MARK3: variants seen among roughly 807,000 people sequenced by gnomAD.
MARK3 encodes microtubule affinity regulating kinase 3, also known as MAP/microtubule affinity-regulating kinase 3.
A neutral mutation model predicts 90.1 loss-of-function variants in MARK3; 46 were observed. The observed-to-expected ratio is 0.51, with a 90% CI of 0.40 to 0.65. MARK3 has a LOEUF of 0.65. MARK3 is among the 30% of genes least tolerant of loss of function. The pLI, the probability that MARK3 is intolerant of heterozygous loss-of-function variation, is 0.00. For missense variants in MARK3, 818 were observed against 947.2 expected, an observed-to-expected ratio of 0.86 and a Z score of 1.79; for synonymous variants, 321 against 332.6, an observed-to-expected ratio of 0.97 and a Z score of 0.38.
chr14:103,453,523 TGTA>T (rs2093204309), intron 5 of MARK3, among the ~76,000 whole-genome samples: 1 of 152,234 alleles, frequency 6.6e-6, no homozygotes. Context: ...AACAATGAGT[TGTA>T]GTAAGCATAC....
At chr14:103,484,173 TTTCTTTTTTTCTTTTTTTTTC>T (rs1351434211) in intron 14 of MARK3, among the ~76,000 whole-genome samples, 5 of 151,362 alleles carry the variant, frequency 3.3e-5, no homozygotes, top group Non-Finnish European at 7.4e-5. Context: ...CTTTTTTTTT[TTTCTTTTTTTCTTTTTTTTTC>T]TGCGATGGAG....
intron 15 of MARK3, among the ~76,000 whole-genome samples, chr14:103,498,073 T>G (rs563669830): frequency 6.6e-6 from 1 of 152,186 alleles, no homozygotes; most frequent in South Asian, 2.1e-4. Flanking sequence ...AGAAATTAAC[T>G]GGGCATGGTG....
intron 2 of MARK3, chr14:103,412,094 G>A (rs1027167590): frequency 1.4e-5 from 9 of 656,478 alleles, no homozygotes; most frequent in Middle Eastern, 2.8e-4. Flanking sequence ...TTTACTAGTA[G>A]CAGTAGAATC....
chr14:103,438,013 T>TC (rs1566842120), intron 3 of MARK3, among the ~76,000 whole-genome samples: 1 of 151,910 alleles, frequency 6.6e-6, no homozygotes, highest in East Asian at 1.9e-4. Flanking sequence ...TCTTTTTTTT[T>TC]CTTTGAGACA....
At position 103,475,127 on chromosome 14, in the gene MARK3, C is replaced by T. The variant is rs201865630; in HGVS notation, c.1399C>T (p.Pro467Ser). The T allele has an allele frequency of 1.9e-5, 30 of 1,614,146 alleles. No homozygotes were observed. The African/African-American group carries it at 2.7e-4, about 14-fold the overall frequency. Residue 467 changes from proline (P) to serine (S), a missense_variant, in exon 13 of 18, where the codon CCA becomes TCA. By Grantham distance (74) the Pro-to-Ser change is moderately conservative. Coordinates refer to ENST00000429436, the MANE Select transcript of MARK3 (RefSeq NM_001128918.3). Reference protein sequence around the residue: ...GSAVGGKGIAPASPMLGNASN... With the variant: ...GSAVGGKGIASASPMLGNASN... ...TGCTGTTGGAGGAAAGGGAATTGCT[C>T]CAGCCAGTCCCATGCTTGGGAATGC...
intron 3 of MARK3, among the ~76,000 whole-genome samples, chr14:103,431,082 G>GTTTGTT (rs1460536716): frequency 2.6e-5 from 4 of 151,532 alleles, no homozygotes; most frequent in Admixed American, 6.6e-5. Context: ...TTGTTTGTTC[G>GTTTGTT]TTTGTTTTTG....
At chr14:103,401,659 A>G (rs1403242319) in intron 1 of MARK3, among the ~76,000 whole-genome samples, 1 of 152,210 alleles carries the variant, frequency 6.6e-6, no homozygotes, top group Admixed American at 6.5e-5. Context: ...GGATGTGTTC[A>G]GCTTAGTCAC....
chr14:103,450,247 T>C (rs1388757640), intron 4 of MARK3, among the ~76,000 whole-genome samples: 1 of 152,138 alleles, frequency 6.6e-6, no homozygotes, highest in Admixed American at 6.6e-5. Flanking sequence ...AATATAATAG[T>C]GGGAAGAAAA....
chr14:103,457,749 A>G (rs2093306700), intron 6 of MARK3, among the ~76,000 whole-genome samples: 1 of 152,248 alleles, frequency 6.6e-6, no homozygotes, highest in Admixed American at 6.5e-5. Flanking sequence ...TCTATTGACC[A>G]TGCCACACAC....
At position 103,451,569 on chromosome 14, in the gene MARK3, G is replaced by C. The variant is rs188740911; in HGVS notation, c.347-349G>C. Among the ~76,000 whole-genome samples, 208 of 152,316 alleles carry C rather than the reference G, an allele frequency of 1.4e-3. 1 individual carries two copies. The highest frequency in any genetic ancestry group is 0.012 in the Admixed American group (180 of 15,294). On this transcript the variant is annotated intron_variant, in intron 4 of 17. Coordinates refer to ENST00000429436, the MANE Select transcript of MARK3 (RefSeq NM_001128918.3). ...TAGAACTGAGCAGTTGCTGCAGGCTGACCACTTTTCCTGGGGTGCTGGGAG... is the reference window on the plus strand; with the variant it reads ...TAGAACTGAGCAGTTGCTGCAGGCTCACCACTTTTCCTGGGGTGCTGGGAG...
At chr14:103,399,699 CA>C (rs34202093) in intron 1 of MARK3, among the ~76,000 whole-genome samples, 343 of 84,308 alleles carry the variant, frequency 4.1e-3, no homozygotes, top group Non-Finnish European at 6.0e-3. Context: ...GACTCCATCT[CA>C]AAAAAAAAAA....
intron 9 of MARK3, 106 bp downstream of exon 9, chr14:103,466,197 A>G: frequency 7.0e-7 from 1 of 1,428,702 alleles, no homozygotes; most frequent in Non-Finnish European, 9.6e-7. Context: ...GCGGCTTTTT[A>G]AGCAAGAATT....
At chr14:103,449,721 T>G (rs990665594) in intron 4 of MARK3, among the ~76,000 whole-genome samples, 1 of 152,342 alleles carries the variant, frequency 6.6e-6, no homozygotes, top group East Asian at 1.9e-4. Flanking sequence ...GACTTAATAC[T>G]GACCCAAGAA....
intron 1 of MARK3, among the ~76,000 whole-genome samples, chr14:103,393,762 C>CT (rs36003065): frequency 0.059 from 8,559 of 145,404 alleles, 514 homozygotes; most frequent in African/African-American, 0.15. Flanking sequence ...CATTTTATTA[C>CT]TTTTTTTTTT....
intron 2 of MARK3, among the ~76,000 whole-genome samples, chr14:103,418,050 C>G (rs1412298824): frequency 6.6e-6 from 1 of 152,036 alleles, no homozygotes; most frequent in African/African-American, 2.4e-5. Flanking sequence ...GCCTGGGTGA[C>G]AGAGCAAAAC....
chr14:103,503,383 C>A lies in MARK3; in HGVS notation c.*156C>A. The A allele has an allele frequency of 1.4e-6, 1 of 690,868 alleles. No individual in the cohort carries two copies. Among genetic ancestry groups the A allele is most frequent in the South Asian group, 2.0e-5 (1 of 50,110 alleles). The allele number at this position is 690,868 out of a possible 1,614,324, so 42.8% of individuals were successfully genotyped here. A position where few individuals can be genotyped will look rare whatever the true frequency, so the allele number is the denominator to read the frequency against. Reference sequence around the variant, plus strand: ...AGCACGCCTGGGAGCGAAAGCTGGCCTTTTTTCTACGAATGCACTACATTA... The same window carrying A: ...AGCACGCCTGGGAGCGAAAGCTGGCATTTTTTCTACGAATGCACTACATTA... On this transcript the variant is annotated 3_prime_UTR_variant, in exon 18 of 18. Transcript: ENST00000429436.
intron 2 of MARK3, among the ~76,000 whole-genome samples, chr14:103,418,895 G>A (rs1249038840): frequency 3.3e-5 from 5 of 151,890 alleles, no homozygotes; most frequent in African/African-American, 7.3e-5. Context: ...AGTTTTCTAC[G>A]TTGCCACTAA....
chr14:103,458,775 C>T (rs1210212214), intron 6 of MARK3: 2 of 725,896 alleles, frequency 2.8e-6, no homozygotes, highest in Admixed American at 1.9e-5. Flanking sequence ...CTTTGATTTG[C>T]TTAGTCTGAT....
intron 2 of MARK3, among the ~76,000 whole-genome samples, chr14:103,428,127 G>A (rs1349349899): frequency 6.6e-6 from 1 of 152,148 alleles, no homozygotes; most frequent in Non-Finnish European, 1.5e-5. Context: ...GCCAAATAGG[G>A]GTGATGATAT....
Sources: allele counts gnomAD v4.1 joint callset (sites outside exome capture counted in the v4.1 genomes callset), GRCh38; gene constraint gnomAD v4.1.1; transcripts MANE v1.5; gene names NCBI Gene and HGNC (gene_info 2026-07-23, HGNC 2026-07-21).